Variants in FRMD4B observed in about 807,000 individuals in gnomAD.
The protein encoded by FRMD4B is FERM domain containing 4B, also known as FERM domain-containing protein 4B.
Under a neutral mutation model 141.5 loss-of-function variants are expected in FRMD4B, and 74 were observed. The observed-to-expected ratio is 0.52, with a 90% CI of 0.43 to 0.63. The LOEUF (loss-of-function observed/expected upper bound fraction) is 0.63, where lower values mean the gene tolerates loss of function less well. FRMD4B is among the 30% of genes least tolerant of loss of function. FRMD4B has a pLI of 0.00. For synonymous variants in FRMD4B, 506 were observed against 467.9 expected, an observed-to-expected ratio of 1.08 and a Z score of -1.05; for missense variants, 1,366 against 1,253.4, an observed-to-expected ratio of 1.09 and a Z score of -1.36.
intron 7 of FRMD4B, among the ~76,000 whole-genome samples, chr3:69,245,499 G>T (rs1373222431): frequency 6.6e-6 from 1 of 152,046 alleles, no homozygotes; most frequent in East Asian, 1.9e-4. Flanking sequence ...GATGTGTGCT[G>T]CCATGCACAG....
chr3:69,235,019 G>C (rs2093335363), intron 7 of FRMD4B, among the ~76,000 whole-genome samples: 1 of 151,726 alleles, frequency 6.6e-6, no homozygotes, highest in Non-Finnish European at 1.5e-5. Flanking sequence ...GTGTGGTGGT[G>C]TGTGCCTGTA....
In FRMD4B at chr3:69,169,255, A is replaced by G. The variant is rs140092626; in HGVS notation, c.*2606T>C. On this transcript the variant is annotated 3_prime_UTR_variant, in exon 23 of 23. Coordinates refer to ENST00000398540, the MANE Select transcript of FRMD4B (RefSeq NM_015123.3). ...TGTCACTTTTGGCTTTTAATAAATA[A>G]CGTAGTTTAATTGGTTTAATACCAA... Among the ~76,000 whole-genome samples, 65 of 152,184 alleles carry G rather than the reference A, an allele frequency of 4.3e-4. 1 individual carries two copies. Among genetic ancestry groups the G allele is most frequent in the African/African-American group, 1.5e-3 (62 of 41,534 alleles).
chr3:69,289,965 C>T (rs1700818460), intron 4 of FRMD4B, among the ~76,000 whole-genome samples: 1 of 152,174 alleles, frequency 6.6e-6, no homozygotes, highest in Admixed American at 6.5e-5. Context: ...CCTCTCCTTA[C>T]TTCTCCAGAG....
At chr3:69,396,286 T>C (rs1396814349) in intron 2 of FRMD4B, among the ~76,000 whole-genome samples, 2 of 152,046 alleles carry the variant, frequency 1.3e-5, no homozygotes, top group Non-Finnish European at 2.9e-5. Flanking sequence ...GTGGGTGGAT[T>C]GCTTGAGGTC....
chr3:69,467,738 C>A (rs976854364), intron 1 of FRMD4B, among the ~76,000 whole-genome samples: 2 of 152,310 alleles, frequency 1.3e-5, no homozygotes, highest in East Asian at 1.9e-4. Context: ...AAGAATATGA[C>A]TAGTCTGTCC....
chr3:69,220,833 G>A (rs554118526), intron 9 of FRMD4B, among the ~76,000 whole-genome samples: 7 of 152,274 alleles, frequency 4.6e-5, no homozygotes, highest in African/African-American at 1.7e-4. Context: ...CAGCCTGGGT[G>A]ACAGAGCAAG....
chr3:69,346,697 A>C (rs952374657), intron 1 of FRMD4B, among the ~76,000 whole-genome samples: 1 of 152,218 alleles, frequency 6.6e-6, no homozygotes, highest in African/African-American at 2.4e-5. Flanking sequence ...AAAGAAAAGA[A>C]TTTCCAACCC....
chr3:69,231,073 G>T (rs2093301697), intron 7 of FRMD4B, among the ~76,000 whole-genome samples: 1 of 152,234 alleles, frequency 6.6e-6, no homozygotes, highest in Non-Finnish European at 1.5e-5. Context: ...AAGTAAGGTT[G>T]GGGCTGGTTA....
In FRMD4B at chr3:69,215,321, C is replaced by T. The variant is rs1387970390; in HGVS notation, c.876+942G>A. On this transcript the variant is annotated intron_variant, in intron 11 of 22. Transcript: ENST00000398540. ...TTTTTTTTTTTTTTTGAGATGGAGT[C>T]TCTCTCTGTTGCCCAGGCTGGAGTG... 7.0e-4 allele frequency among the ~76,000 whole-genome samples: 10 copies of T among 14,240 alleles called. No homozygotes were observed. The Admixed American group carries it at 0.011, about 15-fold the overall frequency. 9.3% of individuals were successfully genotyped at this position (14,240 alleles called of 152,430 possible).
chr3:69,465,183 C>A (rs75219484), intron 1 of FRMD4B, among the ~76,000 whole-genome samples: 1 of 151,830 alleles, frequency 6.6e-6, no homozygotes, highest in African/African-American at 2.4e-5. Flanking sequence ...AGCCTGGCGC[C>A]GTGGCAGGCA....
intron 5 of FRMD4B, among the ~76,000 whole-genome samples, chr3:69,262,951 A>G (rs1449580116): frequency 6.6e-6 from 1 of 152,140 alleles, no homozygotes; most frequent in African/African-American, 2.4e-5. Flanking sequence ...AGCCCAAACT[A>G]AGAAATGCTG....
At chr3:69,434,895 A>C (rs1309369987) in intron 1 of FRMD4B, among the ~76,000 whole-genome samples, 2 of 152,190 alleles carry the variant, frequency 1.3e-5, no homozygotes, top group South Asian at 4.1e-4. Context: ...TGAAGGCTTA[A>C]AGTCCAAGAT....
Position 69,496,634 on chromosome 3 carries a change from AGAAAGAGAGAGAGAG to A in FRMD4B, c.-129+45557_-129+45571del, listed in dbSNP as rs1559545674. 2.5e-3 allele frequency among the ~76,000 whole-genome samples: 273 copies of A among 110,144 alleles called. 1 individual carries two copies. The highest frequency in any genetic ancestry group is 9.5e-3 in the African/African-American group (257 of 27,046). 72.3% of individuals were successfully genotyped at this position (110,144 alleles called of 152,430 possible). ...GAGTGAGAGAGAGAGAGAGAGAGAG[AGAAAGAGAGAGAGAG>A]AGAGAGAGAGAGAGAGAGAGAGAGA... On this transcript the variant is annotated intron_variant, in intron 1 of 5. Transcript: ENST00000459638.
At chr3:69,217,057 C>T (rs1458480545) in intron 10 of FRMD4B, among the ~76,000 whole-genome samples, 2 of 149,708 alleles carry the variant, frequency 1.3e-5, no homozygotes, top group African/African-American at 4.9e-5. Context: ...CAAAGAATTA[C>T]AAAGATGAGA....
At chr3:69,494,077 G>A (rs1706346893) in intron 1 of FRMD4B, among the ~76,000 whole-genome samples, 1 of 152,162 alleles carries the variant, frequency 6.6e-6, no homozygotes, top group Non-Finnish European at 1.5e-5. Flanking sequence ...ACAGGGTCTT[G>A]ATATGTTGCC....
intron 1 of FRMD4B, among the ~76,000 whole-genome samples, chr3:69,374,622 G>C (rs1703916609): frequency 6.6e-6 from 1 of 152,246 alleles, no homozygotes; most frequent in Non-Finnish European, 1.5e-5. Context: ...GTAAGGGTCA[G>C]AGTTAGGAGG....
chr3:69,407,752 TG>T (rs1704673690), intron 2 of FRMD4B, among the ~76,000 whole-genome samples: 2 of 152,078 alleles, frequency 1.3e-5, no homozygotes, highest in South Asian at 4.1e-4. Context: ...GTGCTATGAT[TG>T]ATCAGCAATA....
chr3:69,532,214 A>C (rs987158068), intron 1 of FRMD4B, among the ~76,000 whole-genome samples: 3 of 152,248 alleles, frequency 2.0e-5, no homozygotes, highest in Non-Finnish European at 4.4e-5. Flanking sequence ...TTACTGAATA[A>C]GCCACACTCT....
At chr3:69,231,039 C>A (rs559976237) in intron 7 of FRMD4B, among the ~76,000 whole-genome samples, 1 of 152,158 alleles carries the variant, frequency 6.6e-6, no homozygotes, top group Non-Finnish European at 1.5e-5. Flanking sequence ...GACAAGCACT[C>A]GATCTCATCT....
Sources: allele counts gnomAD v4.1 joint callset (sites outside exome capture counted in the v4.1 genomes callset), GRCh38; gene constraint gnomAD v4.1.1; transcripts MANE v1.5; gene names NCBI Gene and HGNC (gene_info 2026-07-23, HGNC 2026-07-21).